STAG1: variants seen among roughly 807,000 people sequenced by gnomAD.
STAG1 encodes cohesin subunit SA-1.
In STAG1, 26 loss-of-function variants were observed where a neutral mutation model predicts 170.9. The observed-to-expected ratio is 0.15, with a 90% CI of 0.11 to 0.21. STAG1 has a LOEUF of 0.21. Ranked by LOEUF, STAG1 falls within the 10% of genes least tolerant of loss-of-function variation. The pLI is 1.00. For synonymous variants in STAG1, 514 were observed against 497.7 expected, an observed-to-expected ratio of 1.03 and a Z score of -0.44; for missense variants, 964 against 1,509.5, an observed-to-expected ratio of 0.64 and a Z score of 5.99.
chr3:136,670,016 TAA>T (rs1941930351), intron 1 of STAG1, among the ~76,000 whole-genome samples: 1 of 152,206 alleles, frequency 6.6e-6, no homozygotes, highest in East Asian at 1.9e-4. Flanking sequence ...CTCCAATATA[TAA>T]ATTCCAGGAC....
At chr3:136,508,347 G>T (rs994946160) in intron 7 of STAG1, among the ~76,000 whole-genome samples, 1 of 152,006 alleles carries the variant, frequency 6.6e-6, no homozygotes, top group African/African-American at 2.4e-5. Context: ...AAGCTTAAGA[G>T]AAAAAATAGG....
chr3:136,474,203 G>GAT (rs1254497921), intron 10 of STAG1, among the ~76,000 whole-genome samples: 1 of 152,130 alleles, frequency 6.6e-6, no homozygotes, highest in Non-Finnish European at 1.5e-5. Flanking sequence ...TGGCGTACAG[G>GAT]ATGTTGATGA....
chr3:136,704,584 T>C (rs1943172116), intron 1 of STAG1, among the ~76,000 whole-genome samples: 1 of 151,662 alleles, frequency 6.6e-6, no homozygotes, highest in Admixed American at 6.6e-5. Flanking sequence ...TCCCAGCACT[T>C]TGGGAGGCCC....
At chr3:136,446,764 A>G (rs2088792875) in intron 14 of STAG1, among the ~76,000 whole-genome samples, 1 of 150,898 alleles carries the variant, frequency 6.6e-6, no homozygotes. Context: ...ACTACACAAT[A>G]TAATAAAATT....
chr3:136,604,161 A>G, intron 4 of STAG1, 148 bp downstream of exon 4: 1 of 661,464 alleles, frequency 1.5e-6, no homozygotes, highest in South Asian at 4.2e-5. Flanking sequence ...TTTGCAAAAC[A>G]AAGCAAAATA....
At chr3:136,545,433 T>C (rs1315512201) in intron 5 of STAG1, among the ~76,000 whole-genome samples, 1 of 152,134 alleles carries the variant, frequency 6.6e-6, no homozygotes, top group Non-Finnish European at 1.5e-5. Context: ...AGACTAGACA[T>C]AAATATGGAT....
chr3:136,549,618 G>T (rs935700545), intron 5 of STAG1, among the ~76,000 whole-genome samples: 4 of 150,928 alleles, frequency 2.7e-5, no homozygotes, highest in African/African-American at 9.7e-5. Context: ...CTATATATAA[G>T]ATTATGTCAT....
rs866251953 is a variant in STAG1, at chr3:136,505,319, A to G, written c.677-2540T>C. Among the ~76,000 whole-genome samples, 5 of 152,208 alleles carry G rather than the reference A, an allele frequency of 3.3e-5. No homozygotes were observed. In the South Asian group the frequency reaches 1.0e-3, roughly 32 times the overall value. ...TTCACATTTTAACTGCTGACTATAA[A>G]ATGGTAAATATGTTCTAGTACAGTG... is the stretch of plus-strand genomic sequence containing the variant. On this transcript the variant is annotated intron_variant, in intron 7 of 33. Coordinates refer to ENST00000383202, the MANE Select transcript of STAG1 (RefSeq NM_005862.3).
At chr3:136,690,131 AG>A (rs1942675181) in intron 1 of STAG1, among the ~76,000 whole-genome samples, 1 of 151,328 alleles carries the variant, frequency 6.6e-6, no homozygotes, top group Non-Finnish European at 1.5e-5. Context: ...CTGAATGTCC[AG>A]GAATTCTTTT....
intron 16 of STAG1, among the ~76,000 whole-genome samples, chr3:136,432,533 A>G (rs1312912592): frequency 2.8e-5 from 4 of 143,892 alleles, no homozygotes; most frequent in African/African-American, 5.2e-5. Context: ...GGGGGCACAG[A>G]GTCTTGCTCT....
intron 1 of STAG1, among the ~76,000 whole-genome samples, chr3:136,716,438 G>A (rs1338648005): frequency 6.6e-6 from 1 of 152,068 alleles, no homozygotes; most frequent in Non-Finnish European, 1.5e-5. Flanking sequence ...ACTCCAGCCT[G>A]GGCGACAGAG....
chr3:136,711,243 G>C (rs1943373347), intron 1 of STAG1, among the ~76,000 whole-genome samples: 1 of 152,108 alleles, frequency 6.6e-6, no homozygotes. Flanking sequence ...TCTGTGGTTT[G>C]GTTGGAGGTT....
At chr3:136,358,952 T>C (rs537196568) in intron 27 of STAG1, among the ~76,000 whole-genome samples, 196 bp downstream of exon 27, 7 of 152,312 alleles carry the variant, frequency 4.6e-5, no homozygotes, top group Admixed American at 4.6e-4. Context: ...TTTCCATACT[T>C]TGTAAGATGA....
At chr3:136,438,469 C>A (rs2088526335) in intron 15 of STAG1, among the ~76,000 whole-genome samples, 1 of 152,026 alleles carries the variant, frequency 6.6e-6, no homozygotes, top group Non-Finnish European at 1.5e-5. Context: ...AAGTGATCCG[C>A]CCGCCTTGGC....
At chr3:136,750,091 AC>A (rs1935152523) in intron 1 of STAG1, among the ~76,000 whole-genome samples, 1 of 152,234 alleles carries the variant, frequency 6.6e-6, no homozygotes, top group Admixed American at 6.5e-5. Context: ...TTAAAACTGT[AC>A]AAAATTCTGT....
chr3:136,522,278 T>C (rs369325691), intron 6 of STAG1, among the ~76,000 whole-genome samples: 2 of 152,148 alleles, frequency 1.3e-5, no homozygotes, highest in Admixed American at 6.5e-5. Context: ...ACTAGTGTGA[T>C]ATACAGAACA....
intron 20 of STAG1, among the ~76,000 whole-genome samples, chr3:136,418,433 G>GATCC (rs1559789173): frequency 3.1e-5 from 2 of 64,752 alleles, no homozygotes; most frequent in African/African-American, 1.3e-4. Flanking sequence ...AATTGAAAAA[G>GATCC]ATCCATAAAG....
At chr3:136,342,510 G>C (rs904296452) in intron 30 of STAG1, among the ~76,000 whole-genome samples, 11 of 149,648 alleles carry the variant, frequency 7.4e-5, no homozygotes, top group African/African-American at 2.5e-4. Flanking sequence ...TGTTGAGACA[G>C]AGTCTGTGTC....
At chr3:136,681,946 T>C (rs1401758043) in intron 1 of STAG1, among the ~76,000 whole-genome samples, 2 of 152,186 alleles carry the variant, frequency 1.3e-5, no homozygotes, top group Non-Finnish European at 2.9e-5. Flanking sequence ...AAAAATCTTT[T>C]CCTCTATGAC....
Sources: allele counts gnomAD v4.1 joint callset (sites outside exome capture counted in the v4.1 genomes callset), GRCh38; gene constraint gnomAD v4.1.1; transcripts MANE v1.5; gene names NCBI Gene and HGNC (gene_info 2026-07-23, HGNC 2026-07-21).